The following SPATA17 variants were observed in gnomAD, a reference collection of about 807,000 sequenced individuals.
SPATA17 encodes spermatogenesis-associated protein 17.
SPATA17 carries 53 observed loss-of-function variants against 62.2 expected under a neutral mutation model. The observed-to-expected ratio is 0.85, with a 90% CI of 0.68 to 1.07. The LOEUF (loss-of-function observed/expected upper bound fraction) is 1.07. Ranked by LOEUF, SPATA17 falls within the 50% of genes least tolerant of loss-of-function variation. The pLI, the probability that SPATA17 is intolerant of heterozygous loss-of-function variation, is 0.00. For synonymous variants in SPATA17, 146 were observed against 146.8 expected, an observed-to-expected ratio of 0.99 and a Z score of 0.04; for missense variants, 466 against 425.5, an observed-to-expected ratio of 1.10 and a Z score of -0.84.
chr1:217,747,561 CT>C (rs1011132126), intron 6 of SPATA17, among the ~76,000 whole-genome samples: 1 of 151,958 alleles, frequency 6.6e-6, no homozygotes, highest in Non-Finnish European at 1.5e-5. Flanking sequence ...CAATAGTTAT[CT>C]TATTAGTGAA....
chr1:217,671,438 A>G (rs1670830373), intron 4 of SPATA17, among the ~76,000 whole-genome samples: 1 of 152,110 alleles, frequency 6.6e-6, no homozygotes, highest in Non-Finnish European at 1.5e-5. Context: ...CCTTCCTCTT[A>G]ACTTGCTTAT....
At chr1:217,773,490 T>C (rs1189180831) in intron 6 of SPATA17, among the ~76,000 whole-genome samples, 1 of 152,152 alleles carries the variant, frequency 6.6e-6, no homozygotes, top group Non-Finnish European at 1.5e-5. Context: ...CATTAAAATA[T>C]AATACCATCA....
Position 217,868,692 on chromosome 1 carries a change from A to AATT in SPATA17, c.*1673_*1674insATT, listed in dbSNP as rs1676070385. The AATT allele has an allele frequency of 8.0e-5, 3 of 37,694 alleles. No individual in the cohort carries two copies. Among genetic ancestry groups the AATT allele is most frequent in the African/African-American group, 1.0e-4 (1 of 9,712 alleles). 2.3% of individuals were successfully genotyped at this position (37,694 alleles called of 1,614,324 possible). On this transcript the variant is annotated 3_prime_UTR_variant, in exon 11 of 11. Transcript: ENST00000366933. The stretch of plus-strand genomic sequence containing the variant: ...TTTTTTTTTTTTTTTTTTTTTTTTA[A>AATT]TTTCTGAGACAGAGTCTCATTCTGT...
chr1:217,663,526 A>C (rs977546980), intron 3 of SPATA17, among the ~76,000 whole-genome samples: 1 of 152,014 alleles, frequency 6.6e-6, no homozygotes, highest in African/African-American at 2.4e-5. Flanking sequence ...TGCACAAAAT[A>C]CTCATAATTA....
chr1:217,678,768 T>C (rs1295896776), intron 4 of SPATA17, among the ~76,000 whole-genome samples: 1 of 152,236 alleles, frequency 6.6e-6, no homozygotes, highest in Non-Finnish European at 1.5e-5. Context: ...CATTTAGAAC[T>C]TGCCCGTTAA....
intron 5 of SPATA17, among the ~76,000 whole-genome samples, chr1:217,741,047 T>A (rs12120588): frequency 0.46 from 69,725 of 151,926 alleles, 17,500 homozygotes; most frequent in Non-Finnish European, 0.58. Flanking sequence ...TTTTTTGAAT[T>A]TTTTTCCTCT....
chr1:217,705,001 A>T (rs556989719), intron 5 of SPATA17, among the ~76,000 whole-genome samples: 1 of 152,316 alleles, frequency 6.6e-6, no homozygotes, highest in South Asian at 2.1e-4. Context: ...AAAAGGCTCA[A>T]CTAATTTACA....
At chr1:217,647,105 CTGA>C (rs1247566753) in intron 1 of SPATA17, among the ~76,000 whole-genome samples, 1 of 152,198 alleles carries the variant, frequency 6.6e-6, no homozygotes, top group Non-Finnish European at 1.5e-5. Context: ...AGTTAATTCA[CTGA>C]TATGTGAAAT....
intron 5 of SPATA17, among the ~76,000 whole-genome samples, chr1:217,699,647 G>C (rs556873996): frequency 1.3e-5 from 2 of 152,136 alleles, no homozygotes; most frequent in South Asian, 4.2e-4. Context: ...TTCTTTCAAT[G>C]TGTAGCTTGT....
intron 4 of SPATA17, among the ~76,000 whole-genome samples, chr1:217,673,027 A>C (rs1432839662): frequency 6.6e-6 from 1 of 152,146 alleles, no homozygotes; most frequent in Non-Finnish European, 1.5e-5. Flanking sequence ...GGAGTAAAAA[A>C]AGTCCTTTAC....
intron 6 of SPATA17, among the ~76,000 whole-genome samples, chr1:217,747,903 AACTTT>A (rs1474329282): frequency 2.0e-5 from 3 of 152,174 alleles, no homozygotes; most frequent in Admixed American, 6.5e-5. Flanking sequence ...ATACTGATAA[AACTTT>A]ACTTTGAATT....
chr1:217,664,573 G>T (rs1571715773), intron 3 of SPATA17, among the ~76,000 whole-genome samples: 1 of 152,052 alleles, frequency 6.6e-6, no homozygotes, highest in East Asian at 1.9e-4. Context: ...GGGAATACAG[G>T]CGTAAACCAC....
At chr1:217,760,585 TG>T (rs1474617284) in intron 6 of SPATA17, among the ~76,000 whole-genome samples, 8 of 152,186 alleles carry the variant, frequency 5.3e-5, no homozygotes, top group Non-Finnish European at 7.4e-5. Context: ...CAACCATACT[TG>T]ATGAAACCTA....
intron 3 of SPATA17, among the ~76,000 whole-genome samples, chr1:217,659,223 CAA>C: frequency 6.8e-6 from 1 of 147,502 alleles, no homozygotes; most frequent in East Asian, 2.0e-4. Context: ...CACACACACA[CAA>C]ATAGAAGTAA....
chr1:217,819,861 G>C (rs1015350631), intron 9 of SPATA17, among the ~76,000 whole-genome samples: 4 of 151,970 alleles, frequency 2.6e-5, no homozygotes, highest in Non-Finnish European at 4.4e-5. Flanking sequence ...AAAACTCCTT[G>C]AAGGTCATAT....
intron 9 of SPATA17, among the ~76,000 whole-genome samples, chr1:217,836,887 G>C (rs1000900493): frequency 6.6e-6 from 1 of 151,974 alleles, no homozygotes; most frequent in Admixed American, 6.6e-5. Context: ...TTCTCTCTCT[G>C]TATTTAACAA....
intron 8 of SPATA17, among the ~76,000 whole-genome samples, chr1:217,797,149 T>TA (rs1364606885): frequency 3.9e-5 from 6 of 152,332 alleles, no homozygotes; most frequent in Middle Eastern, 3.4e-3. Context: ...GTGATTGGTT[T>TA]ATGAGAACCG....
chr1:217,723,154 C>T (rs1672179338), intron 5 of SPATA17, among the ~76,000 whole-genome samples: 1 of 152,068 alleles, frequency 6.6e-6, no homozygotes, highest in Non-Finnish European at 1.5e-5. Context: ...GTTGAGTTAC[C>T]GTTTATAGTG....
chr1:217,672,793 A>T (rs1383745133), intron 4 of SPATA17, among the ~76,000 whole-genome samples: 1 of 151,968 alleles, frequency 6.6e-6, no homozygotes, highest in East Asian at 1.9e-4. Context: ...TTCCTATTTT[A>T]CCATTGACAT....
Sources: allele counts gnomAD v4.1 joint callset (sites outside exome capture counted in the v4.1 genomes callset), GRCh38; gene constraint gnomAD v4.1.1; transcripts MANE v1.5; gene names NCBI Gene and HGNC (gene_info 2026-07-23, HGNC 2026-07-21).